The following USP34 variants were observed in gnomAD, a reference collection of about 807,000 sequenced individuals.
The protein encoded by USP34 is ubiquitin carboxyl-terminal hydrolase 34.
USP34 carries 70 observed loss-of-function variants against 460.3 expected under a neutral mutation model. That is an observed-to-expected ratio of 0.15 (90% CI 0.13 to 0.19). The LOEUF (loss-of-function observed/expected upper bound fraction) is 0.19, where lower values mean the gene tolerates loss of function less well. Ranked by LOEUF, USP34 falls within the 10% of genes least tolerant of loss-of-function variation. The probability of loss-of-function intolerance (pLI) is 1.00; values close to 1 mark genes in which losing one functional copy is unlikely to be tolerated. For missense variants in USP34, 3,985 were observed against 4,236.2 expected, an observed-to-expected ratio of 0.94 and a Z score of 1.65; for synonymous variants, 1,647 against 1,405.3, an observed-to-expected ratio of 1.17 and a Z score of -3.85.
chr2:61,228,751 A>G (rs761298512), intron 60 of USP34, 32 bp from the exon 61 acceptor site: 1 of 1,595,730 alleles, frequency 6.3e-7, no homozygotes, highest in South Asian at 1.1e-5. Flanking sequence ...ATTTAAAAAT[A>G]TAAAATAAAA....
rs771113423 is a variant in USP34, at chr2:61,348,005, C to T, written c.2150G>A (p.Gly717Glu). ...TCGTGTGATACAAGACTCCTGAGAC[C>T]CTTGTGCTATATGAGTAGCATTCAT... Reference protein sequence around the residue: ...GEMNATHIAQGSQESCITRTG... With the variant: ...GEMNATHIAQESQESCITRTG... The change falls in exon 15 of 80, where the codon GGG (glycine) becomes GAG (glutamate). Residue 717 changes from glycine (G) to glutamate (E), a missense_variant. By Grantham distance (98) the Gly-to-Glu change is moderately conservative. Coordinates refer to ENST00000398571, the MANE Select transcript of USP34 (RefSeq NM_014709.4). The T allele has an allele frequency of 6.2e-7, 1 of 1,614,026 alleles. No homozygotes were observed. Among genetic ancestry groups the T allele is most frequent in the Admixed American group, 1.7e-5 (1 of 59,998 alleles).
At chr2:61,437,340 G>A (rs931553092) in intron 1 of USP34, among the ~76,000 whole-genome samples, 4 of 152,026 alleles carry the variant, frequency 2.6e-5, no homozygotes, top group African/African-American at 9.7e-5. Flanking sequence ...AAACAAAAAA[G>A]GAGACATCAT....
chr2:61,453,364 T>C (rs1043447634), intron 1 of USP34, among the ~76,000 whole-genome samples: 6 of 150,626 alleles, frequency 4.0e-5, no homozygotes, highest in African/African-American at 1.5e-4. Flanking sequence ...CAGTGAGCCA[T>C]GGTCACGCCA....
At chr2:61,436,860 G>A (rs757054155) in intron 1 of USP34, among the ~76,000 whole-genome samples, 1 of 152,024 alleles carries the variant, frequency 6.6e-6, no homozygotes, top group Non-Finnish European at 1.5e-5. Context: ...GACCACAATG[G>A]AATAAAAATA....
chr2:61,213,674 TCA>T (rs1283538280), intron 68 of USP34, among the ~76,000 whole-genome samples: 5 of 152,182 alleles, frequency 3.3e-5, no homozygotes, highest in Non-Finnish European at 7.3e-5. Context: ...ATTGTCTAGC[TCA>T]CAGTTTACCA....
intron 3 of USP34, among the ~76,000 whole-genome samples, chr2:61,402,343 G>T (rs1693745532): frequency 6.6e-6 from 1 of 152,106 alleles, no homozygotes; most frequent in African/African-American, 2.4e-5. Context: ...TACTACTTAT[G>T]TCCAATTACC....
chr2:61,338,250 G>C (rs2103749409), intron 18 of USP34, among the ~76,000 whole-genome samples: 1 of 152,280 alleles, frequency 6.6e-6, no homozygotes, highest in Admixed American at 6.5e-5. Flanking sequence ...GAATGCGGGA[G>C]GCAGAGGTTG....
chr2:61,227,639 A>T (rs977908025), intron 61 of USP34, among the ~76,000 whole-genome samples: 28 of 152,056 alleles, frequency 1.8e-4, no homozygotes, highest in African/African-American at 5.8e-4. Context: ...TGAACCTGGG[A>T]GGTGGGGGTT....
Position 61,311,625 on chromosome 2 carries a change from C to A in USP34, c.3732G>T (p.Trp1244Cys), listed in dbSNP as rs1317375808. The A allele has an allele frequency of 6.2e-7, 1 of 1,613,540 alleles. No homozygotes were observed. Residue 1244 changes from tryptophan to cysteine, a missense_variant, in exon 27 of 80, where the codon TGG becomes TGT. Physicochemically the swap from Trp to Cys is radical, Grantham distance 215 (BLOSUM62 -2). Coordinates refer to ENST00000398571, the MANE Select transcript of USP34 (RefSeq NM_014709.4). Reference sequence around the variant, plus strand: ...TTTGTTCTTTCTGTAAATTTTCATACCAATGAGTTACTTCAGCCCTAAGAT... The same window carrying A: ...TTTGTTCTTTCTGTAAATTTTCATAACAATGAGTTACTTCAGCCCTAAGAT... ...VADLRAEVTH[W>C]YENLQKEQIN...
chr2:61,215,965 G>C (rs1413896618), intron 67 of USP34, among the ~76,000 whole-genome samples: 1 of 152,128 alleles, frequency 6.6e-6, no homozygotes, highest in Admixed American at 6.5e-5. Flanking sequence ...ACCTCCTCAA[G>C]ACTCTCTAAT....
intron 58 of USP34, 26 bp downstream of exon 58, chr2:61,232,426 T>C (rs772394648): frequency 1.2e-5 from 19 of 1,556,846 alleles, no homozygotes; most frequent in Admixed American, 7.1e-5. Context: ...TTCCAAATAA[T>C]TTTTTTCAAA....
chr2:61,440,674 T>G (rs1009091541), intron 1 of USP34, among the ~76,000 whole-genome samples: 1 of 151,454 alleles, frequency 6.6e-6, no homozygotes, highest in Non-Finnish European at 1.5e-5. Flanking sequence ...CCCACCACCA[T>G]ACCCGGCTAC....
chr2:61,310,979 T>C (rs1266456605), intron 27 of USP34, among the ~76,000 whole-genome samples: 1 of 152,148 alleles, frequency 6.6e-6, no homozygotes, highest in Non-Finnish European at 1.5e-5. Flanking sequence ...AAATAGCATC[T>C]GAAGCAACTC....
chr2:61,359,096 CTTCAAATTCATACAGAAT>C (rs1321405330), intron 10 of USP34, among the ~76,000 whole-genome samples: 1 of 152,040 alleles, frequency 6.6e-6, no homozygotes, highest in Non-Finnish European at 1.5e-5. Context: ...AAAAGCTGAT[CTTCAAATTCATACAGAAT>C]TGCAAGGGAC....
intron 43 of USP34, among the ~76,000 whole-genome samples, chr2:61,263,171 G>C (rs1210155588): frequency 9.0e-6 from 1 of 111,126 alleles, no homozygotes; most frequent in Non-Finnish European, 1.9e-5. Flanking sequence ...ACCACACATG[G>C]AATTTTTTTT....
intron 19 of USP34, among the ~76,000 whole-genome samples, chr2:61,332,129 C>T (rs1263900493): frequency 6.6e-6 from 1 of 152,014 alleles, no homozygotes; most frequent in Admixed American, 6.6e-5. Context: ...ACACTTGCTA[C>T]AACACAGCTT....
chr2:61,265,031 C>A (rs1336811374), intron 43 of USP34, among the ~76,000 whole-genome samples: 1 of 152,160 alleles, frequency 6.6e-6, no homozygotes, highest in African/African-American at 2.4e-5. Flanking sequence ...TACTTCTCTA[C>A]TTGGATTCAG....
intron 67 of USP34, among the ~76,000 whole-genome samples, chr2:61,217,895 C>A (rs1427149869): frequency 6.6e-6 from 1 of 152,042 alleles, no homozygotes; most frequent in East Asian, 1.9e-4. Flanking sequence ...GCGGAGGTTG[C>A]AGTGAGCCGA....
intron 62 of USP34, 30 bp downstream of exon 62, chr2:61,227,037 T>C: frequency 6.4e-7 from 1 of 1,573,696 alleles, no homozygotes; most frequent in Non-Finnish European, 8.6e-7. Context: ...CCAAACATGC[T>C]TTAAACATTT....
Sources: gnomAD v4.1 joint callset for allele counts (sites outside exome capture counted in the v4.1 genomes callset) on GRCh38, gnomAD v4.1.1 for gene constraint, MANE v1.5 for transcripts, NCBI Gene and HGNC (gene_info 2026-07-23, HGNC 2026-07-21) for gene names.